The following RYR3 variants were observed in gnomAD, a reference collection of about 807,000 sequenced individuals.
RYR3 encodes the protein brain ryanodine receptor-calcium release channel.
RYR3 carries 207 observed loss-of-function variants against 584.3 expected under a neutral mutation model. That is an observed-to-expected ratio of 0.35 (90% CI 0.32 to 0.40). The LOEUF is 0.40. Among genes scored for constraint, RYR3 ranks in the 10% least tolerant of loss-of-function variants. RYR3 has a pLI of 1.00. For missense variants in RYR3, 5,616 were observed against 6,089.2 expected, an observed-to-expected ratio of 0.92 and a Z score of 2.59; for synonymous variants, 2,416 against 2,248.5, an observed-to-expected ratio of 1.07 and a Z score of -2.11.
intron 38 of RYR3, among the ~76,000 whole-genome samples, chr15:33,672,485 C>T (rs561220171): frequency 5.3e-5 from 8 of 152,244 alleles, no homozygotes; most frequent in Middle Eastern, 6.8e-3. Flanking sequence ...CAGAAATAGA[C>T]GAAATGGTTG....
rs1248663388 is a variant in RYR3, at chr15:33,700,969, T to A, written c.6380-8T>A. On this transcript the variant is annotated splice_polypyrimidine_tract_variant and splice_region_variant and intron_variant, in intron 41 of 103. Transcript: ENST00000634891. ...CCTTTTCTTGCTAATTCTCCCCTCC[T>A]CCCTCAGCCTCCCCGTCGATGAGGG... The A allele has an allele frequency of 6.2e-7, 1 of 1,606,008 alleles. No individual in the cohort carries two copies. The highest frequency in any genetic ancestry group is 8.5e-7 in the Non-Finnish European group (1 of 1,174,178).
At chr15:33,854,581 G>T (rs1014067837) in intron 97 of RYR3, 132 bp downstream of exon 97, 2 of 1,059,674 alleles carry the variant, frequency 1.9e-6, no homozygotes, top group Admixed American at 2.7e-5. Flanking sequence ...TACGTGCTGG[G>T]GGAACACTTA....
intron 72 of RYR3, 110 bp from the exon 73 acceptor site, chr15:33,812,753 T>C: frequency 1.0e-6 from 1 of 986,140 alleles, no homozygotes; most frequent in Non-Finnish European, 1.5e-6. Context: ...AGTGAAGTGA[T>C]AATAGAAGGA....
intron 27 of RYR3, among the ~76,000 whole-genome samples, chr15:33,639,267 T>A (rs964953406): frequency 6.6e-6 from 1 of 152,244 alleles, no homozygotes; most frequent in East Asian, 1.9e-4. Flanking sequence ...AGAATTGTAC[T>A]GTAATGTGTT....
intron 70 of RYR3, among the ~76,000 whole-genome samples, chr15:33,808,506 G>A (rs536859694): frequency 1.3e-5 from 2 of 152,258 alleles, no homozygotes; most frequent in East Asian, 1.9e-4. Context: ...ATATTTATTC[G>A]ATTGCATACT....
intron 1 of RYR3, among the ~76,000 whole-genome samples, chr15:33,387,019 G>A (rs1383061162): frequency 2.0e-5 from 3 of 151,760 alleles, no homozygotes; most frequent in African/African-American, 4.8e-5. Flanking sequence ...CACCACGCCC[G>A]GCTAATTTTT....
chr15:33,460,872 T>C (rs2047967859), intron 1 of RYR3, among the ~76,000 whole-genome samples: 1 of 150,572 alleles, frequency 6.6e-6, no homozygotes, highest in South Asian at 2.1e-4. Context: ...ATTCCGTGAT[T>C]TTTGATAGGA....
At chr15:33,665,703 GACA>G (rs1309437412) in intron 36 of RYR3, among the ~76,000 whole-genome samples, 2 of 152,254 alleles carry the variant, frequency 1.3e-5, no homozygotes, top group African/African-American at 4.8e-5. Flanking sequence ...AAAGCAGCTT[GACA>G]ACATTTGTAA....
intron 16 of RYR3, among the ~76,000 whole-genome samples, chr15:33,588,942 T>C (rs575624820): frequency 4.5e-4 from 69 of 152,338 alleles, no homozygotes; most frequent in African/African-American, 1.6e-3. Context: ...CTTTTTGATA[T>C]AGCAATTTAT....
intron 36 of RYR3, among the ~76,000 whole-genome samples, chr15:33,666,985 C>T (rs1183233717): frequency 2.0e-5 from 3 of 152,190 alleles, no homozygotes; most frequent in South Asian, 2.1e-4. Flanking sequence ...TTTATTTAAT[C>T]GACAACAAAT....
chr15:33,485,461 G>A lies in RYR3; in HGVS notation c.171+11923G>A, dbSNP rs549240563. Among the ~76,000 whole-genome samples the A allele has an allele frequency of 8.5e-5, 13 of 152,204 alleles. No individual in the cohort carries two copies. In the East Asian group the frequency reaches 2.3e-3, roughly 27 times the overall value. ...GAGAGGAGATACAGGAGAGGGAAGA[G>A]GTGGTCAGTGTGCAAAATTGCCGAT... On this transcript the variant is annotated intron_variant, in intron 2 of 103. Coordinates refer to ENST00000634891, the MANE Select transcript of RYR3 (RefSeq NM_001036.6).
At chr15:33,544,794 C>A (rs1031810682) in intron 8 of RYR3, among the ~76,000 whole-genome samples, 1 of 152,170 alleles carries the variant, frequency 6.6e-6, no homozygotes, top group Non-Finnish European at 1.5e-5. Context: ...GCCTAGGACA[C>A]ATAAAGCACA....
chr15:33,820,894 C>T, intron 78 of RYR3, 82 bp downstream of exon 78: 1 of 352,330 alleles, frequency 2.8e-6, no homozygotes, highest in Non-Finnish European at 4.1e-6. Context: ...CTGACATTAG[C>T]CTATTGAGCA....
At position 33,838,956 on chromosome 15, in the gene RYR3, C is replaced by A; in HGVS notation, c.12976C>A (p.Gln4326Lys). ...ESTVQKKRKA[Q>K]AAEMKAANEA... ...TACTGTACAGAAGAAGAGGAAAGCTCAGGTAAGTGTCATTTGTTTCTTTCA... is the reference window on the plus strand; with the variant it reads ...TACTGTACAGAAGAAGAGGAAAGCTAAGGTAAGTGTCATTTGTTTCTTTCA... The change falls in exon 89 of 104, where the codon CAG becomes AAG. Residue 4326 changes from glutamine (Q) to lysine (K), a missense_variant and splice_region_variant. Physicochemically the swap from Gln to Lys is moderately conservative, Grantham distance 53. This residue lies in a region of RYR3 where 918 missense variants were observed against 887.4 expected (regional missense o/e 1.03). Transcript: ENST00000634891. 6.2e-7 allele frequency: 1 copy of A among 1,602,338 alleles called. No individual in the cohort carries two copies. Among genetic ancestry groups the A allele is most frequent in the Non-Finnish European group, 8.5e-7 (1 of 1,175,442 alleles).
intron 1 of RYR3, among the ~76,000 whole-genome samples, chr15:33,361,205 G>A: frequency 6.6e-6 from 1 of 152,156 alleles, no homozygotes; most frequent in East Asian, 1.9e-4. Context: ...CTGGATCTCA[G>A]TTCTCCTCTT....
chr15:33,386,802 G>A (rs1204295309), intron 1 of RYR3, among the ~76,000 whole-genome samples: 6 of 152,166 alleles, frequency 3.9e-5, no homozygotes, highest in Non-Finnish European at 5.9e-5. Context: ...ATTTCACTTA[G>A]TGCAATGTCT....
In RYR3 at chr15:33,865,233, A is replaced by ATCAAAGAAGCGCGACAATTCTGGACAG; in HGVS notation, c.*12_*38dup. Reference sequence around the variant, plus strand: ...TGAAGATCAGCTTGGATAAATCTGAATCAAAGAAGCGCGACAATTCTGGAC... The same window carrying ATCAAAGAAGCGCGACAATTCTGGACAG: ...TGAAGATCAGCTTGGATAAATCTGAATCAAAGAAGCGCGACAATTCTGGACAGTCAAAGAAGCGCGACAATTCTGGAC... On this transcript the variant is annotated 3_prime_UTR_variant, in exon 104 of 104. Coordinates refer to ENST00000634891, the MANE Select transcript of RYR3 (RefSeq NM_001036.6). 1 of 1,605,436 alleles carries ATCAAAGAAGCGCGACAATTCTGGACAG rather than the reference A, an allele frequency of 6.2e-7. No homozygotes were observed. The highest frequency in any genetic ancestry group is 8.5e-7 in the Non-Finnish European group (1 of 1,172,944).
chr15:33,599,345 G>T (rs1282093155), intron 16 of RYR3, among the ~76,000 whole-genome samples: 1 of 152,192 alleles, frequency 6.6e-6, no homozygotes, highest in Admixed American at 6.5e-5. Context: ...GGACACGCTC[G>T]TGACACAGCC....
intron 38 of RYR3, among the ~76,000 whole-genome samples, chr15:33,678,839 G>A (rs2064372448): frequency 6.6e-6 from 1 of 152,166 alleles, no homozygotes; most frequent in African/African-American, 2.4e-5. Flanking sequence ...AATGCTCCGG[G>A]TTATCTTCAC....
Sources: allele counts gnomAD v4.1 joint callset (sites outside exome capture counted in the v4.1 genomes callset), GRCh38; gene constraint gnomAD v4.1.1; regional missense constraint gnomAD v4.1.1; transcripts MANE v1.5; gene names NCBI Gene and HGNC (gene_info 2026-07-23, HGNC 2026-07-21).